NEMP2: variants seen among roughly 807,000 people sequenced by gnomAD.
NEMP2 encodes the protein UPF0571 transmembrane protein.
NEMP2 carries 53 observed loss-of-function variants against 54.2 expected under a neutral mutation model. That is an observed-to-expected ratio of 0.98 (90% CI 0.78 to 1.23). The LOEUF (loss-of-function observed/expected upper bound fraction) is 1.23, where lower values mean the gene tolerates loss of function less well. NEMP2 is among the 50% of genes most tolerant of loss of function. The pLI is 0.00. For missense variants in NEMP2, 455 were observed against 511.3 expected (o/e 0.89, Z 1.06); for synonymous variants, 197 against 190.3 (o/e 1.04, Z -0.29).
chr2:190,450,321 A>T, the NEMP2 span, among the ~76,000 whole-genome samples: 2 of 152,140 alleles, frequency 1.3e-5, no homozygotes, highest in African/African-American at 4.8e-5. Context: ...TCAGAAGCTT[A>T]CTTCATAGCA....
chr2:190,575,978 C>CTT, the NEMP2 span, among the ~76,000 whole-genome samples: 4 of 143,882 alleles, frequency 2.8e-5, no homozygotes, highest in East Asian at 4.0e-4. Context: ...TTCTGGTTTA[C>CTT]TTTTTTTTTT....
At chr2:190,579,012 G>A in the NEMP2 span, among the ~76,000 whole-genome samples, 4 of 152,078 alleles carry the variant, frequency 2.6e-5, no homozygotes, top group African/African-American at 9.7e-5. Flanking sequence ...TCTTTCCCAG[G>A]GACTGATGTG....
chr2:190,451,335 G>A, the NEMP2 span, among the ~76,000 whole-genome samples: 1 of 152,278 alleles, frequency 6.6e-6, no homozygotes, highest in African/African-American at 2.4e-5. This position sits in a 1 kb window ranked among gnomAD's most constrained non-coding sequence, Gnocchi z 5.0. Context: ...GATAATGCTA[G>A]CAAGCACATA....
chr2:190,469,720 T>A, the NEMP2 span: 1 of 1,187,128 alleles, frequency 8.4e-7, no homozygotes, highest in Non-Finnish European at 1.1e-6. This position sits in a 1 kb window ranked among gnomAD's most constrained non-coding sequence, Gnocchi z 5.3. Context: ...TTTCCTTTGC[T>A]TTTTTTTATT....
At chr2:190,422,685 A>G in the NEMP2 span, among the ~76,000 whole-genome samples, 1 of 152,078 alleles carries the variant, frequency 6.6e-6, no homozygotes, top group African/African-American at 2.4e-5. Context: ...GCTTGTGTCC[A>G]TTTTTATTCA....
At chr2:190,479,042 T>C in the NEMP2 span, among the ~76,000 whole-genome samples, 1 of 152,212 alleles carries the variant, frequency 6.6e-6, no homozygotes, top group East Asian at 1.9e-4. Context: ...CCTTGTTATC[T>C]TCAGTCTTGC....
chr2:190,439,218 T>C, the NEMP2 span, among the ~76,000 whole-genome samples: 1 of 152,124 alleles, frequency 6.6e-6, no homozygotes, highest in Non-Finnish European at 1.5e-5. This position sits in a 1 kb window ranked among gnomAD's most constrained non-coding sequence, Gnocchi z 5.8. Context: ...AAAATCACTG[T>C]TATTCATTCC....
the NEMP2 span, among the ~76,000 whole-genome samples, chr2:190,580,657 C>T: frequency 2.6e-5 from 4 of 152,110 alleles, no homozygotes; most frequent in African/African-American, 9.7e-5. This position sits in a 1 kb window ranked among gnomAD's most constrained non-coding sequence, Gnocchi z 5.3. Context: ...CAAGACACTA[C>T]AGGATAAAGC....
the NEMP2 span, among the ~76,000 whole-genome samples, chr2:190,558,706 T>G: frequency 1.1e-4 from 16 of 152,320 alleles, no homozygotes; most frequent in African/African-American, 3.8e-4. The surrounding 1 kb of genome is among the most constrained non-coding windows in gnomAD (Gnocchi z 4.4). Context: ...AGTTTGAAGA[T>G]TCTGCTAAAC....
the NEMP2 span, among the ~76,000 whole-genome samples, chr2:190,446,975 C>T: frequency 6.6e-6 from 1 of 152,124 alleles, no homozygotes; most frequent in African/African-American, 2.4e-5. Flanking sequence ...GCTGCTGGGA[C>T]AGGTCACAAG....
chr2:190,640,707 C>T, the NEMP2 span, among the ~76,000 whole-genome samples: 21 of 151,080 alleles, frequency 1.4e-4, no homozygotes, highest in Admixed American at 3.3e-4. Context: ...AAAGTATCCG[C>T]TCCTAGAAGG....
At chr2:190,460,923 G>A in the NEMP2 span, among the ~76,000 whole-genome samples, 2 of 152,278 alleles carry the variant, frequency 1.3e-5, no homozygotes, top group East Asian at 1.9e-4. Context: ...ACTGTGTTAC[G>A]TAGACTTTCT....
At position 190,519,381 on chromosome 2, in the gene NEMP2, C is replaced by T. The variant is rs1238570758; in HGVS notation, c.214-198G>A. 1.3e-5 allele frequency among the ~76,000 whole-genome samples: 2 copies of T among 152,146 alleles called. No homozygotes were observed. The highest frequency in any genetic ancestry group is 4.8e-5 in the African/African-American group (2 of 41,424). On this transcript the variant is annotated intron_variant, in intron 2 of 8. Transcript: ENST00000409150. This position sits in a 1 kb window ranked among gnomAD's most constrained non-coding sequence, Gnocchi z 5.4. ...GGACCACAGGCACATGCCACCTGCC[C>T]AGCTAATTTTTGTATTTTTTGTAGA... is the stretch of plus-strand genomic sequence containing the variant.
At chr2:190,587,211 A>G in the NEMP2 span, among the ~76,000 whole-genome samples, 1 of 152,208 alleles carries the variant, frequency 6.6e-6, no homozygotes, top group Non-Finnish European at 1.5e-5. This position sits in a 1 kb window ranked among gnomAD's most constrained non-coding sequence, Gnocchi z 5.4. Context: ...GGATGTTTGT[A>G]TAGTGAAGAG....
At position 190,525,493 on chromosome 2, in the gene NEMP2, T is replaced by C. The variant is rs903125890; in HGVS notation, c.98-115A>G. ...GTTTTAACGTTCTATGGCCAATAAA[T>C]TCTCCTATATGATAATTATAGTCCT... On this transcript the variant is annotated intron_variant, in intron 1 of 8. Coordinates refer to ENST00000409150, the MANE Select transcript of NEMP2 (RefSeq NM_001142645.2). The surrounding 1 kb of genome is among the most constrained non-coding windows in gnomAD (Gnocchi z 5.0). The C allele has an allele frequency of 8.6e-6, 5 of 583,822 alleles. No individual in the cohort carries two copies. Among genetic ancestry groups the C allele is most frequent in the Non-Finnish European group, 1.5e-5 (5 of 327,348 alleles). The allele number at this position is 583,822 out of a possible 1,614,324, so 36.2% of individuals were successfully genotyped here.
the NEMP2 span, among the ~76,000 whole-genome samples, chr2:190,607,332 G>A: frequency 6.6e-6 from 1 of 152,126 alleles, no homozygotes; most frequent in Non-Finnish European, 1.5e-5. The surrounding 1 kb of genome is among the most constrained non-coding windows in gnomAD (Gnocchi z 5.2). Flanking sequence ...GGTAAGGAGT[G>A]GGCTGTGGTT....
At chr2:190,436,792 G>A in the NEMP2 span, 244 of 1,614,024 alleles carry the variant, frequency 1.5e-4, no homozygotes, top group Non-Finnish European at 1.8e-4. The surrounding 1 kb of genome is among the most constrained non-coding windows in gnomAD (Gnocchi z 5.3). Context: ...CCCAGGAAGC[G>A]TAACCAAGGA....
chr2:190,648,769 C>T, the NEMP2 span: 2 of 151,048 alleles, frequency 1.3e-5, no homozygotes, highest in East Asian at 2.0e-4. Context: ...CCACTTGGTT[C>T]CTCCCAGCTG....
chr2:190,639,636 G>GTTTTTTTT, the NEMP2 span, among the ~76,000 whole-genome samples: 1 of 143,956 alleles, frequency 6.9e-6, no homozygotes, highest in African/African-American at 2.5e-5. Flanking sequence ...TTATTGTTGA[G>GTTTTTTTT]TTTTTTTTTT....
Sources: gnomAD v4.1 joint callset for allele counts (sites outside exome capture counted in the v4.1 genomes callset) on GRCh38, gnomAD v4.1.1 for gene constraint, Gnocchi (gnomAD v3.1) non-coding constraint, MANE v1.5 for transcripts, NCBI Gene and HGNC (gene_info 2026-07-23, HGNC 2026-07-21) for gene names.